Variants in CATSPER4 observed in about 807,000 individuals in gnomAD.
CATSPER4 encodes the protein cation channel sperm-associated protein 4.
A neutral mutation model predicts 54.4 loss-of-function variants in CATSPER4; 46 were observed. The ratio of observed to expected loss-of-function variants is 0.84; its 90% CI spans 0.67 to 1.08. The LOEUF (loss-of-function observed/expected upper bound fraction) is 1.08. Ranked by LOEUF, CATSPER4 falls within the 50% of genes least tolerant of loss-of-function variation. The pLI is 0.00. For synonymous variants in CATSPER4, 230 were observed against 231.9 expected (o/e 0.99, Z 0.08); for missense variants, 574 against 612.8 (o/e 0.94, Z 0.67).
chr1:26,201,345 C>T lies in CATSPER4; in HGVS notation c.1200-9C>T. The T allele has an allele frequency of 6.2e-7, 1 of 1,613,714 alleles. No homozygotes were observed. The highest frequency in any genetic ancestry group is 1.1e-5 in the South Asian group (1 of 91,054). On this transcript the variant is annotated splice_polypyrimidine_tract_variant and intron_variant, in intron 8 of 9. Coordinates refer to ENST00000456354, the MANE Select transcript of CATSPER4 (RefSeq NM_198137.2). ...GCCTTCTGAAAGGCACTCACTGCTC[C>T]ACCCCCAGGATTGTGGAGGAGGTGC...
chr1:26,200,401 A>G (rs1422413789), intron 7 of CATSPER4, among the ~76,000 whole-genome samples: 1 of 152,166 alleles, frequency 6.6e-6, no homozygotes, highest in African/African-American at 2.4e-5. Flanking sequence ...TAATGGGTAA[A>G]TGAACAGTGC....
intron 2 of CATSPER4, among the ~76,000 whole-genome samples, chr1:26,193,061 A>G (rs2088890379): frequency 6.6e-6 from 1 of 151,260 alleles, no homozygotes; most frequent in African/African-American, 2.4e-5. Flanking sequence ...GAGATGTCAC[A>G]TTAAAAAAAA....
chr1:26,197,203 G>C (rs1166742797), intron 3 of CATSPER4, among the ~76,000 whole-genome samples: 2 of 152,086 alleles, frequency 1.3e-5, no homozygotes, highest in Non-Finnish European at 2.9e-5. Flanking sequence ...ATCGCGCCTG[G>C]CCCGCCTGTC....
rs769223184 is a variant in CATSPER4, at chr1:26,200,798, G to A, written c.988-32G>A. ...TGCCGGGGGCGTGCCTGCCTGAGCT[G>A]TCCCGACCCCTCTCTATCCCCCGCT... On this transcript the variant is annotated intron_variant, in intron 7 of 9. Coordinates refer to ENST00000456354, the MANE Select transcript of CATSPER4 (RefSeq NM_198137.2). 48 of 1,586,336 alleles carry A rather than the reference G, an allele frequency of 3.0e-5. No individual in the cohort carries two copies. In the East Asian group the frequency reaches 1.1e-3, roughly 35 times the overall value.
rs1320814364 is a variant in CATSPER4, at chr1:26,193,722, C to T, written c.358-65C>T. On this transcript the variant is annotated intron_variant, in intron 2 of 9. Coordinates refer to ENST00000456354, the MANE Select transcript of CATSPER4 (RefSeq NM_198137.2). ...CTCCCCTACATACATCCTCTCCCTG[C>T]CGGCTTGCCCAGGCCCTGCTCCACT... 3.9e-6 allele frequency: 4 copies of T among 1,024,892 alleles called. No individual in the cohort carries two copies. The East Asian group carries it at 7.1e-5, about 18-fold the overall frequency. The allele number at this position is 1,024,892 out of a possible 1,614,324, so 63.5% of individuals were successfully genotyped here.
At chr1:26,201,752 C>T (rs1347078938) in intron 9 of CATSPER4, 9 of 479,378 alleles carry the variant, frequency 1.9e-5, no homozygotes, top group Admixed American at 6.9e-5. Flanking sequence ...TGCAGTGGCG[C>T]GATCTCGGCT....
Position 26,191,353 on chromosome 1 carries a change from T to G in CATSPER4, c.280T>G (p.Phe94Val), listed in dbSNP as rs761235880. ...YIKQLLRHPA[F>V]QLLLALLLVI... ...CAAGCAGCTGCTCCGACACCCCGCC[T>G]TCCAACTGCTGCTGGCCCTGCTGCT... The change falls in exon 2 of 10, where the codon TTC becomes GTC. Residue 94 changes from phenylalanine to valine, a missense_variant. By Grantham distance (50) the Phe-to-Val change is conservative. Coordinates refer to ENST00000456354, the MANE Select transcript of CATSPER4 (RefSeq NM_198137.2). 6.2e-7 allele frequency: 1 copy of G among 1,614,174 alleles called. No individual in the cohort carries two copies.
intron 7 of CATSPER4, among the ~76,000 whole-genome samples, chr1:26,200,492 G>C (rs2088994979): frequency 6.6e-6 from 1 of 152,158 alleles, no homozygotes; most frequent in African/African-American, 2.4e-5. Flanking sequence ...TTGGGGAAAG[G>C]GGTGGAGTAC....
Position 26,198,072 on chromosome 1 carries a change from A to G in CATSPER4, c.673A>G (p.Met225Val). The G allele has an allele frequency of 1.2e-6, 2 of 1,614,146 alleles. No individual in the cohort carries two copies. The highest frequency in any genetic ancestry group is 4.5e-5 in the East Asian group (2 of 44,874). The stretch of plus-strand genomic sequence containing the variant: ...TATCATGGTCCTCATCCTCTTCTTC[A>G]TGCTGGTCAGTGCCTGCCCCCGCCC... ...ANIMVLILFF[M>V]LVFSVFGVTL... The change falls in exon 5 of 10, where the codon ATG becomes GTG. Residue 225 changes from methionine (M) to valine (V), a missense_variant. Physicochemically the swap from Met to Val is conservative, Grantham distance 21. Transcript: ENST00000456354.
intron 5 of CATSPER4, 35 bp from the exon 6 acceptor site, chr1:26,198,251 G>A: frequency 1.2e-6 from 2 of 1,614,214 alleles, no homozygotes; most frequent in Non-Finnish European, 1.7e-6. Flanking sequence ...AGGCCCTTTG[G>A]TGAAGTCGGG....
rs1311420224 is a variant in CATSPER4, at chr1:26,202,947, TAA to T, written c.*407_*408del. On this transcript the variant is annotated 3_prime_UTR_variant, in exon 10 of 10. Coordinates refer to ENST00000456354, the MANE Select transcript of CATSPER4 (RefSeq NM_198137.2). ...GGGCCAGACATCTGTGTGTTGACAA[TAA>T]AGTTTTGTGTTGGAATCAATGTCTC... The T allele has an allele frequency of 8.4e-6, 2 of 237,570 alleles. No homozygotes were observed. Among genetic ancestry groups the T allele is most frequent in the Non-Finnish European group, 1.7e-5 (2 of 120,104 alleles). The allele number at this position is 237,570 out of a possible 1,614,324, so 14.7% of individuals were successfully genotyped here.
intron 9 of CATSPER4, 53 bp from the exon 10 acceptor site, chr1:26,202,436 G>C (rs1437766165): frequency 6.1e-5 from 93 of 1,521,622 alleles, no homozygotes; most frequent in Non-Finnish European, 7.9e-5. Flanking sequence ...AGTAACGGAG[G>C]CTGCCATATC....
In CATSPER4 at chr1:26,199,913, T is replaced by C. The variant is rs2088987901; in HGVS notation, c.842T>C (p.Ile281Thr). The C allele has an allele frequency of 6.2e-7, 1 of 1,614,008 alleles. No individual in the cohort carries two copies. Among genetic ancestry groups the C allele is most frequent in the East Asian group, 2.2e-5 (1 of 44,878 alleles). Residue 281 changes from isoleucine to threonine, a missense_variant, in exon 7 of 10, where the codon ATT becomes ACT. Ile to Thr is a moderately conservative substitution (Grantham distance 89, BLOSUM62 -1). Transcript: ENST00000456354. ...GAGAAGAGGGAATATGCAATGGAGA[T>C]TGGGGGTGCCATCTACTTTACCATC... is the stretch of plus-strand genomic sequence containing the variant. ...QTEKREYAME[I>T]GGAIYFTIFI...
At chr1:26,191,556 G>C in intron 2 of CATSPER4, 126 bp downstream of exon 2, 2 of 1,094,966 alleles carry the variant, frequency 1.8e-6, no homozygotes, top group Non-Finnish European at 2.7e-6. Flanking sequence ...GGGTCTGTCA[G>C]CTCTGACCTT....
At chr1:26,191,650 G>A (rs1008846538) in intron 2 of CATSPER4, among the ~76,000 whole-genome samples, 1 of 152,212 alleles carries the variant, frequency 6.6e-6, no homozygotes, top group Non-Finnish European at 1.5e-5. Context: ...ATTTGTACAG[G>A]AGGGACAGGA....
chr1:26,202,258 GCA>G (rs1400309837), intron 9 of CATSPER4, among the ~76,000 whole-genome samples: 1 of 152,098 alleles, frequency 6.6e-6, no homozygotes, highest in Non-Finnish European at 1.5e-5. Context: ...AGAGAAAAAG[GCA>G]CACACCCACG....
chr1:26,194,227 T>C (rs1415515699), intron 3 of CATSPER4, among the ~76,000 whole-genome samples: 2 of 152,198 alleles, frequency 1.3e-5, no homozygotes, highest in Non-Finnish European at 2.9e-5. Context: ...GACCAGATAA[T>C]AAAGATTTTA....
At position 26,202,674 on chromosome 1, in the gene CATSPER4, C is replaced by T; in HGVS notation, c.*132C>T. On this transcript the variant is annotated 3_prime_UTR_variant, in exon 10 of 10. Coordinates refer to ENST00000456354, the MANE Select transcript of CATSPER4 (RefSeq NM_198137.2). ...CTTATACCTGGGCAGAGGCCAGGGGCTGTGAAGGTGGCAGCACCTGCAGGT... is the reference window on the plus strand; with the variant it reads ...CTTATACCTGGGCAGAGGCCAGGGGTTGTGAAGGTGGCAGCACCTGCAGGT... 1 of 856,404 alleles carries T rather than the reference C, an allele frequency of 1.2e-6. No individual in the cohort carries two copies. The highest frequency in any genetic ancestry group is 1.9e-6 in the Non-Finnish European group (1 of 520,812). The allele number at this position is 856,404 out of a possible 1,614,324, so 53.1% of individuals were successfully genotyped here. A position where few individuals can be genotyped will look rare whatever the true frequency, so the allele number is the denominator to read the frequency against.
At chr1:26,199,006 T>TAA (rs1464047727) in intron 6 of CATSPER4, among the ~76,000 whole-genome samples, 3 of 152,142 alleles carry the variant, frequency 2.0e-5, no homozygotes, top group Non-Finnish European at 4.4e-5. Context: ...AGGTAGTGGA[T>TAA]AAAAATCAGG....
Sources: gnomAD v4.1 joint callset for allele counts (sites outside exome capture counted in the v4.1 genomes callset) on GRCh38, gnomAD v4.1.1 for gene constraint, MANE v1.5 for transcripts, NCBI Gene and HGNC (gene_info 2026-07-23, HGNC 2026-07-21) for gene names.